The following CLASP2 variants were observed in gnomAD, a reference collection of about 807,000 sequenced individuals.
The protein encoded by CLASP2 is cytoplasmic linker associated protein 2, also known as CLIP-associating protein 2.
CLASP2 carries 47 observed loss-of-function variants against 194.4 expected under a neutral mutation model. That is an observed-to-expected ratio of 0.24 (90% CI 0.19 to 0.31). The LOEUF (loss-of-function observed/expected upper bound fraction) is 0.31, where lower values mean the gene tolerates loss of function less well. Among genes scored for constraint, CLASP2 ranks in the 10% least tolerant of loss-of-function variants. The pLI is 1.00. For synonymous variants in CLASP2, 619 were observed against 633.5 expected (o/e 0.98, Z 0.34); for missense variants, 1,445 against 1,823.6 (o/e 0.79, Z 3.78).
chr3:33,582,533 C>T (rs1258419250), intron 22 of CLASP2, among the ~76,000 whole-genome samples: 1 of 152,064 alleles, frequency 6.6e-6, no homozygotes, highest in African/African-American at 2.4e-5. Flanking sequence ...GTGGCACATG[C>T]CTGTAGTCCT....
intron 34 of CLASP2, among the ~76,000 whole-genome samples, chr3:33,520,551 A>G (rs1203642172): frequency 6.6e-6 from 1 of 152,170 alleles, no homozygotes; most frequent in Non-Finnish European, 1.5e-5. Flanking sequence ...AAGGGCATTC[A>G]TGGTTTTGAG....
rs765427933 is a variant in CLASP2, at chr3:33,517,178, T to C, written c.3788-4A>G. ...TCAGAATGATCTAGGGAAAGATCTG[T>C]CAAAAGGACATGGTATTAGTTCTAT... On this transcript the variant is annotated splice_polypyrimidine_tract_variant and splice_region_variant and intron_variant, in intron 34 of 38. Coordinates refer to ENST00000682230, the MANE Select transcript of CLASP2 (RefSeq NM_001365631.1). The C allele has an allele frequency of 6.2e-7, 1 of 1,607,060 alleles. No homozygotes were observed. Among genetic ancestry groups the C allele is most frequent in the Non-Finnish European group, 8.5e-7 (1 of 1,177,782 alleles).
In CLASP2 at chr3:33,616,777, G is replaced by A. The variant is rs866799788; in HGVS notation, c.1317+2826C>T. Reference sequence around the variant, plus strand: ...TTTTTTGGGACAGTCTTGCTGTGTCGCCCAGGCTGGAGTGCAGTGGCGTAA... The same window carrying A: ...TTTTTTGGGACAGTCTTGCTGTGTCACCCAGGCTGGAGTGCAGTGGCGTAA... On this transcript the variant is annotated intron_variant, in intron 12 of 38. Coordinates refer to ENST00000682230, the MANE Select transcript of CLASP2 (RefSeq NM_001365631.1). Among the ~76,000 whole-genome samples the A allele has an allele frequency of 7.4e-5, 9 of 120,830 alleles. 1 individual carries two copies. In the Middle Eastern group the frequency reaches 0.038, roughly 509 times the overall value. The allele number at this position is 120,830 out of a possible 152,430, so 79.3% of individuals were successfully genotyped here.
chr3:33,529,947 C>T (rs976687738), intron 34 of CLASP2, among the ~76,000 whole-genome samples: 2 of 137,276 alleles, frequency 1.5e-5, no homozygotes, highest in African/African-American at 2.7e-5. Context: ...CACTGCGGTC[C>T]GCAGTCCGGG....
intron 7 of CLASP2, among the ~76,000 whole-genome samples, chr3:33,648,183 T>C (rs2082598916): frequency 6.6e-6 from 1 of 152,096 alleles, no homozygotes; most frequent in Non-Finnish European, 1.5e-5. Flanking sequence ...AGGATATCAG[T>C]AATTCTCTTA....
In CLASP2 at chr3:33,684,429, C is replaced by A; in HGVS notation, c.574G>T (p.Val192Leu). ...TCTCCCACATGTCTATAAATCTCCA[C>A]TATAGCCAATATTGCAGCATCTCTC... ...QVRDAAILAI[V>L]EIYRHVGEKV... is the part of the protein sequence containing the mutation. The change falls in exon 6 of 39, where the codon GTG (valine) becomes TTG (leucine). Residue 192 changes from valine to leucine, a missense_variant. This residue lies in a region of CLASP2 where 332 missense variants were observed against 325.3 expected (regional missense o/e 1.02). Coordinates refer to ENST00000682230, the MANE Select transcript of CLASP2 (RefSeq NM_001365631.1). 6.2e-7 allele frequency: 1 copy of A among 1,602,288 alleles called. No individual in the cohort carries two copies.
intron 8 of CLASP2, among the ~76,000 whole-genome samples, chr3:33,638,086 T>A (rs1038742359): frequency 6.6e-6 from 1 of 152,132 alleles, no homozygotes. Context: ...AAGCAACTTG[T>A]GAAGTTTTTA....
chr3:33,689,815 A>G lies in CLASP2; in HGVS notation c.378+14T>C, dbSNP rs775521870. 4.6e-6 allele frequency: 7 copies of G among 1,526,266 alleles called. No homozygotes were observed. In the South Asian group the frequency reaches 9.0e-5, roughly 20 times the overall value. The allele number at this position is 1,526,266 out of a possible 1,614,324, so 94.5% of individuals were successfully genotyped here. On this transcript the variant is annotated intron_variant, in intron 3 of 38. Coordinates refer to ENST00000682230, the MANE Select transcript of CLASP2 (RefSeq NM_001365631.1). ...TACCATTAGCAAAATCTGAATTTTA[A>G]AATGTAGGCTTACCATAGGTGGTGC... is the stretch of plus-strand genomic sequence containing the variant.
intron 38 of CLASP2, 142 bp from the exon 39 acceptor site, chr3:33,498,859 G>A: frequency 4.6e-6 from 2 of 436,238 alleles, no homozygotes; most frequent in African/African-American, 2.0e-5. Flanking sequence ...AGTTATTGTT[G>A]ATAATTAGGA....
intron 36 of CLASP2, among the ~76,000 whole-genome samples, chr3:33,512,651 G>GA (rs2050215765): frequency 8.4e-6 from 1 of 119,020 alleles, no homozygotes; most frequent in African/African-American, 3.2e-5. Context: ...CTCAATAGGT[G>GA]AAAAATGCTT....
intron 7 of CLASP2, chr3:33,659,020 G>T (rs1179039492): frequency 6.5e-7 from 1 of 1,535,858 alleles, no homozygotes; most frequent in Non-Finnish European, 8.7e-7. Flanking sequence ...CTGAAACCAA[G>T]AGGTCAAATA....
chr3:33,627,453 A>T (rs1362391876), intron 9 of CLASP2, among the ~76,000 whole-genome samples: 1 of 152,170 alleles, frequency 6.6e-6, no homozygotes, highest in African/African-American at 2.4e-5. Context: ...TACAAAAAGG[A>T]CATGTTATAA....
At chr3:33,595,040 C>T in intron 19 of CLASP2, 72 bp from the exon 20 acceptor site, 1 of 868,802 alleles carries the variant, frequency 1.2e-6, no homozygotes, top group Non-Finnish European at 1.7e-6. Flanking sequence ...CCTCACAGTC[C>T]CCACCCAACA....
In CLASP2 at chr3:33,696,912, T is replaced by C. The variant is rs1317179178; in HGVS notation, c.217A>G (p.Ile73Val). 3.1e-6 allele frequency: 5 copies of C among 1,592,352 alleles called. No homozygotes were observed. The highest frequency in any genetic ancestry group is 4.3e-6 in the Non-Finnish European group (5 of 1,166,672). The change falls in exon 2 of 39, where the codon ATT becomes GTT. Residue 73 changes from isoleucine (I) to valine (V), a missense_variant. Transcript: ENST00000682230. ...AATCTGTCCACAAAGGCACTTAAAA[T>C]TTCCAATCCCATTAATGATACCTAC... Reference protein sequence around the residue: ...NYRVSLMGLEILSAFVDRLST... With the variant: ...NYRVSLMGLEVLSAFVDRLST...
rs778501352 is a variant in CLASP2 at position 33,496,475 on chromosome 3, G to GA, written c.*2155dup. The GA allele has an allele frequency of 3.3e-5, 5 of 152,200 alleles. No homozygotes were observed. The South Asian group carries it at 6.2e-4, about 19-fold the overall frequency. The allele number at this position is 152,200 out of a possible 1,614,324, so 9.4% of individuals were successfully genotyped here. On this transcript the variant is annotated 3_prime_UTR_variant, in exon 39 of 39. Transcript: ENST00000682230. ...CAGCTTTCTTATAGTCTTATCAACT[G>GA]AGATTATAAAATTGTAAACACAATT...
At chr3:33,555,848 C>T (rs79278468) in intron 29 of CLASP2, among the ~76,000 whole-genome samples, 10,885 of 152,216 alleles carry the variant, frequency 0.072, 488 homozygotes, top group Admixed American at 0.1. Flanking sequence ...AGCAATTTAT[C>T]GTCATGCAAA....
At chr3:33,542,616 A>G (rs1162224016) in intron 32 of CLASP2, among the ~76,000 whole-genome samples, 1 of 150,264 alleles carries the variant, frequency 6.7e-6, no homozygotes, top group Admixed American at 6.7e-5. Flanking sequence ...ATGATATATG[A>G]CATGTTATAT....
chr3:33,579,704 A>G (rs2065612790), intron 23 of CLASP2, among the ~76,000 whole-genome samples: 1 of 152,154 alleles, frequency 6.6e-6, no homozygotes, highest in African/African-American at 2.4e-5. Context: ...CGTATTTCTC[A>G]TTTATGAGTC....
intron 6 of CLASP2, among the ~76,000 whole-genome samples, chr3:33,679,531 C>T (rs2089434514): frequency 6.6e-6 from 1 of 152,014 alleles, no homozygotes; most frequent in Non-Finnish European, 1.5e-5. Context: ...ACTCTTAAAA[C>T]TCAACAATAA....
Sources: allele counts gnomAD v4.1 joint callset (sites outside exome capture counted in the v4.1 genomes callset), GRCh38; gene constraint gnomAD v4.1.1; regional missense constraint gnomAD v4.1.1; transcripts MANE v1.5; gene names NCBI Gene and HGNC (gene_info 2026-07-23, HGNC 2026-07-21).